Variants in FAM171A2 observed in about 807,000 individuals in gnomAD.
FAM171A2 encodes protein FAM171A2.
Under a neutral mutation model 34.2 loss-of-function variants are expected in FAM171A2, and 13 were observed. The observed-to-expected ratio is 0.38, with a 90% CI of 0.25 to 0.60. The LOEUF (loss-of-function observed/expected upper bound fraction) is 0.60, where lower values mean the gene tolerates loss of function less well. Ranked by LOEUF, FAM171A2 falls within the 20% of genes least tolerant of loss-of-function variation. The pLI is 0.62. For missense variants in FAM171A2, 950 were observed against 1,180.7 expected (o/e 0.80, Z 2.86); for synonymous variants, 475 against 561.2 (o/e 0.85, Z 2.17).
chr17:44,356,655 C>T, intron 3 of FAM171A2, 67 bp from the exon 4 acceptor site: 2 of 1,451,442 alleles, frequency 1.4e-6, no homozygotes, highest in Non-Finnish European at 1.8e-6. Context: ...AGAGCAGAAA[C>T]CCATTATCTA....
chr17:44,355,719 A>C lies in FAM171A2; in HGVS notation c.1018T>G (p.Cys340Gly). 6.4e-7 allele frequency: 1 copy of C among 1,551,670 alleles called. No homozygotes were observed. Reference protein sequence around the residue: ...LILLCLLIYYCRRRCLKPRQQ... With the variant: ...LILLCLLIYYGRRRCLKPRQQ... ...TGAGGGAAGCCCCGTGCTCACCGGC[A>C]GTAGTAGATGAGCAGACACAGCAGG... Residue 340 changes from cysteine to glycine, a missense_variant, in exon 7 of 8, where the codon TGC (cysteine) becomes GGC (glycine). Physicochemically the swap from Cys to Gly is radical, Grantham distance 159. Around this residue, in one of 3 missense-constraint regions of FAM171A2, gnomAD observed 752 missense variants for 924.5 expected, o/e 0.81. Transcript: ENST00000293443. The surrounding 1 kb of genome is among the most constrained non-coding windows in gnomAD (Gnocchi z 4.1).
chr17:44,354,284 C>A lies in FAM171A2; in HGVS notation c.1930G>T (p.Glu644Ter). The A allele has an allele frequency of 6.9e-7, 1 of 1,448,802 alleles. No homozygotes were observed. Among genetic ancestry groups the A allele is most frequent in the Admixed American group, 2.7e-5 (1 of 36,810 alleles). The allele number at this position is 1,448,802 out of a possible 1,614,324, so 89.7% of individuals were successfully genotyped here. A position where few individuals can be genotyped will look rare whatever the true frequency, so the allele number is the denominator to read the frequency against. The stretch of plus-strand genomic sequence containing the variant: ...CGCGGGTGCGGCTTCACGCCCAGTT[C>A]CAGCAGCTTCTTCTCGGTCAGGGCC... The part of the protein sequence containing the change: ...LQALTEKKLL[E>*]LGVKPHPRAW... The change falls in exon 8 of 8, where the codon GAA (glutamate) becomes TAA (stop). Residue 644 changes from glutamate to a stop codon, truncating the protein, a stop_gained. Coordinates refer to ENST00000293443, the MANE Select transcript of FAM171A2 (RefSeq NM_198475.3). LOFTEE classifies it low-confidence loss of function (END_TRUNC). This position sits in a 1 kb window ranked among gnomAD's most constrained non-coding sequence, Gnocchi z 5.8.
chr17:44,353,648 G>T lies in FAM171A2; in HGVS notation c.*85C>A. 1 of 1,051,018 alleles carries T rather than the reference G, an allele frequency of 9.5e-7. No homozygotes were observed. Among genetic ancestry groups the T allele is most frequent in the Non-Finnish European group, 1.2e-6 (1 of 837,548 alleles). 65.1% of individuals were successfully genotyped at this position (1,051,018 alleles called of 1,614,324 possible). A position where few individuals can be genotyped will look rare whatever the true frequency, so the allele number is the denominator to read the frequency against. Reference sequence around the variant, plus strand: ...TCTCCGGCCTGGGGCTGGGAGCTACGCGCGAGGGCCCCCGCGGGCCCCCGG... The same window carrying T: ...TCTCCGGCCTGGGGCTGGGAGCTACTCGCGAGGGCCCCCGCGGGCCCCCGG... On this transcript the variant is annotated 3_prime_UTR_variant, in exon 8 of 8. Coordinates refer to ENST00000293443, the MANE Select transcript of FAM171A2 (RefSeq NM_198475.3).
chr17:44,360,332 T>C (rs1018297618), intron 1 of FAM171A2, among the ~76,000 whole-genome samples, 200 bp from the exon 2 acceptor site: 29 of 152,368 alleles, frequency 1.9e-4, no homozygotes, highest in African/African-American at 6.7e-4. Flanking sequence ...GGACTATTCC[T>C]GTATTTCATC....
chr17:44,360,073 A>C lies in FAM171A2; in HGVS notation c.178T>G (p.Ser60Ala). ...SGELVPLARASVDVFGNRTLL... is the reference protein window; with the variant it reads ...SGELVPLARAAVDVFGNRTLL... ...GTCCGGTTCCCAAACACATCCACTG[A>C]GGCCCGGGCCAGGGGCACCAGCTCC... Residue 60 changes from serine (S) to alanine (A), a missense_variant, in exon 2 of 8, where the codon TCA (serine) becomes GCA (alanine). Physicochemically the swap from Ser to Ala is moderately conservative, Grantham distance 99 (BLOSUM62 1). Around this residue, in one of 3 missense-constraint regions of FAM171A2, gnomAD observed 752 missense variants for 924.5 expected, o/e 0.81. Coordinates refer to ENST00000293443, the MANE Select transcript of FAM171A2 (RefSeq NM_198475.3). The C allele has an allele frequency of 6.4e-7, 1 of 1,551,674 alleles. No individual in the cohort carries two copies. Among genetic ancestry groups the C allele is most frequent in the Admixed American group, 2.0e-5 (1 of 50,994 alleles).
In FAM171A2 at chr17:44,359,614, T is replaced by A; in HGVS notation, c.404A>T (p.Tyr135Phe). The change falls in exon 3 of 8, where the codon TAT (tyrosine) becomes TTT (phenylalanine). Residue 135 changes from tyrosine (Y) to phenylalanine (F), a missense_variant. Transcript: ENST00000293443. ...LPERPATLILYEDLVHILLGS... is the reference protein window; with the variant it reads ...LPERPATLILFEDLVHILLGS... The stretch of plus-strand genomic sequence containing the variant: ...TAGGAGAATGTGCACCAGGTCCTCA[T>A]AGAGGATGAGCGTGGCCGGCCGCTC... The A allele has an allele frequency of 6.4e-7, 1 of 1,551,088 alleles. No individual in the cohort carries two copies. The highest frequency in any genetic ancestry group is 8.7e-7 in the Non-Finnish European group (1 of 1,146,902).
chr17:44,355,279 G>A lies in FAM171A2; in HGVS notation c.1023-88C>T. 10 of 1,491,724 alleles carry A rather than the reference G, an allele frequency of 6.7e-6. No homozygotes were observed. Among genetic ancestry groups the A allele is most frequent in the Non-Finnish European group, 8.9e-6 (10 of 1,124,580 alleles). The allele number at this position is 1,491,724 out of a possible 1,614,324, so 92.4% of individuals were successfully genotyped here. On this transcript the variant is annotated intron_variant, in intron 7 of 7. Coordinates refer to ENST00000293443, the MANE Select transcript of FAM171A2 (RefSeq NM_198475.3). The surrounding 1 kb of genome is among the most constrained non-coding windows in gnomAD (Gnocchi z 4.1). The stretch of plus-strand genomic sequence containing the variant: ...CCCCCTTAGATGCAAGACAAGAGAC[G>A]AATATAGTGGAAGAGGTGGGGAGAA...
intron 1 of FAM171A2, among the ~76,000 whole-genome samples, chr17:44,362,078 T>C (rs2048450117): frequency 1.3e-5 from 2 of 150,752 alleles, no homozygotes; most frequent in Non-Finnish European, 3.0e-5. Flanking sequence ...CTGGTAAGGA[T>C]CTGTGCCAAC....
In FAM171A2 at chr17:44,353,515, G is replaced by T; in HGVS notation, c.*218C>A. 4.3e-6 allele frequency: 1 copy of T among 233,438 alleles called. No individual in the cohort carries two copies. The highest frequency in any genetic ancestry group is 1.7e-4 in the South Asian group (1 of 5,834). The allele number at this position is 233,438 out of a possible 1,614,324, so 14.5% of individuals were successfully genotyped here. A position where few individuals can be genotyped will look rare whatever the true frequency, so the allele number is the denominator to read the frequency against. ...CAGCCCTCCTCCCCGGCACCTCCCC[G>T]TGGGGGTCTGGACCCCCCCTCCTCC... On this transcript the variant is annotated 3_prime_UTR_variant, in exon 8 of 8. Coordinates refer to ENST00000293443, the MANE Select transcript of FAM171A2 (RefSeq NM_198475.3).
Position 44,359,941 on chromosome 17 carries a change from T to G in FAM171A2, c.310A>C (p.Thr104Pro). The change falls in exon 2 of 8, where the codon ACC becomes CCC. Residue 104 changes from threonine (T) to proline (P), a missense_variant. Coordinates refer to ENST00000293443, the MANE Select transcript of FAM171A2 (RefSeq NM_198475.3). ...TCAACACGCCAGGGCACAGAGTTGGTGAGGAAGCCAGGGCGGGCAGCAGTG... is the reference window on the plus strand; with the variant it reads ...TCAACACGCCAGGGCACAGAGTTGGGGAGGAAGCCAGGGCGGGCAGCAGTG... The part of the protein sequence containing the change: ...LVTAARPGFL[T>P]NSVPWRVDKL... 6.5e-7 allele frequency: 1 copy of G among 1,549,404 alleles called. No homozygotes were observed. Among genetic ancestry groups the G allele is most frequent in the Middle Eastern group, 1.7e-4 (1 of 5,844 alleles).
Position 44,355,271 on chromosome 17 carries a change from CAAG to C in FAM171A2, c.1023-83_1023-81del. 6.6e-7 allele frequency: 1 copy of C among 1,509,014 alleles called. No homozygotes were observed. Among genetic ancestry groups the C allele is most frequent in the Non-Finnish European group, 8.8e-7 (1 of 1,132,144 alleles). The allele number at this position is 1,509,014 out of a possible 1,614,324, so 93.5% of individuals were successfully genotyped here. A position where few individuals can be genotyped will look rare whatever the true frequency, so the allele number is the denominator to read the frequency against. On this transcript the variant is annotated intron_variant, in intron 7 of 7. Coordinates refer to ENST00000293443, the MANE Select transcript of FAM171A2 (RefSeq NM_198475.3). This position sits in a 1 kb window ranked among gnomAD's most constrained non-coding sequence, Gnocchi z 4.1. ...GCCCCGAACCCCCTTAGATGCAAGA[CAAG>C]AGACGAATATAGTGGAAGAGGTGGG...
At chr17:44,362,235 T>C (rs1229845007) in intron 1 of FAM171A2, among the ~76,000 whole-genome samples, 2 of 151,890 alleles carry the variant, frequency 1.3e-5, no homozygotes, top group African/African-American at 4.8e-5. Flanking sequence ...TCCCCTGAGG[T>C]GCAGGGACTT....
intron 3 of FAM171A2, 92 bp from the exon 4 acceptor site, chr17:44,356,680 A>G: frequency 1.4e-6 from 2 of 1,396,932 alleles, no homozygotes; most frequent in East Asian, 5.0e-5. Flanking sequence ...AAAGGGGGAC[A>G]TGAGGTCAGG....
In FAM171A2 at chr17:44,355,567, C is replaced by T; in HGVS notation, c.1022+148G>A. ...CTCCCACCTCCCCGCTGTCTTCAACCACCAGCACCAGCCCTTCAGGTCTTA... is the reference window on the plus strand; with the variant it reads ...CTCCCACCTCCCCGCTGTCTTCAACTACCAGCACCAGCCCTTCAGGTCTTA... On this transcript the variant is annotated intron_variant, in intron 7 of 7. Transcript: ENST00000293443. The surrounding 1 kb of genome is among the most constrained non-coding windows in gnomAD (Gnocchi z 4.1). The T allele has an allele frequency of 8.2e-7, 1 of 1,221,150 alleles. No homozygotes were observed. Among genetic ancestry groups the T allele is most frequent in the African/African-American group, 1.5e-5 (1 of 66,090 alleles). 75.6% of individuals were successfully genotyped at this position (1,221,150 alleles called of 1,614,324 possible).
chr17:44,362,794 G>A (rs942964142), intron 1 of FAM171A2, among the ~76,000 whole-genome samples: 4 of 152,114 alleles, frequency 2.6e-5, no homozygotes, highest in African/African-American at 9.7e-5. Flanking sequence ...GGCGGGCAGG[G>A]GACAGGAATG....
Position 44,354,498 on chromosome 17 carries a change from C to T in FAM171A2, c.1716G>A (p.Pro572=), listed in dbSNP as rs967713042. ...PAPPEGTAPG[P]ARAFPQPDPQ... is the part of the protein sequence containing the mutation. ...GGTCGGGCTGGGGAAAAGCGCGCGC[C>T]GGGCCGGGTGCCGTGCCCTCCGGCG... The change falls in exon 8 of 8, where the codon CCG becomes CCA. Residue 572 remains proline, a synonymous_variant. Transcript: ENST00000293443. This position sits in a 1 kb window ranked among gnomAD's most constrained non-coding sequence, Gnocchi z 5.8. The T allele has an allele frequency of 2.6e-5, 28 of 1,088,568 alleles. No homozygotes were observed. The highest frequency in any genetic ancestry group is 2.2e-5 in the Non-Finnish European group (20 of 896,774). The allele number at this position is 1,088,568 out of a possible 1,614,324, so 67.4% of individuals were successfully genotyped here.
chr17:44,355,143 C>G lies in FAM171A2; in HGVS notation c.1071G>C (p.Ser357=), dbSNP rs759528324. ...PRQQHRKLQL[S]GPSDGNKRDQ... The stretch of plus-strand genomic sequence containing the variant: ...CTCGTTTGTTACCGTCAGAGGGCCC[C>G]GAGAGCTGCAGCTTGCGGTGCTGTT... The change falls in exon 8 of 8, where the codon TCG becomes TCC. Residue 357 remains serine (S), a synonymous_variant. Transcript: ENST00000293443. The surrounding 1 kb of genome is among the most constrained non-coding windows in gnomAD (Gnocchi z 4.1). 1.2e-5 allele frequency: 18 copies of G among 1,551,008 alleles called. 1 individual carries two copies. In the South Asian group the frequency reaches 2.0e-4, roughly 17 times the overall value.
At position 44,363,695 on chromosome 17, in the gene FAM171A2, G is replaced by A. The variant is rs983028863; in HGVS notation, c.20C>T (p.Pro7Leu). MPPASG[P>L]SVLARLLPLL... is the part of the protein sequence containing the mutation. ...CGGCAACAGCCGCGCGAGGACGCTGGGGCCACTCGCCGGCGGCATCGCGGG... is the reference window on the plus strand; with the variant it reads ...CGGCAACAGCCGCGCGAGGACGCTGAGGCCACTCGCCGGCGGCATCGCGGG... Residue 7 changes from proline (P) to leucine (L), a missense_variant, in exon 1 of 8, where the codon CCC becomes CTC. Physicochemically the swap from Pro to Leu is moderately conservative, Grantham distance 98 (BLOSUM62 -3). Coordinates refer to ENST00000293443, the MANE Select transcript of FAM171A2 (RefSeq NM_198475.3). 1.6e-6 allele frequency: 2 copies of A among 1,219,308 alleles called. No individual in the cohort carries two copies. Among genetic ancestry groups the A allele is most frequent in the East Asian group, 3.3e-5 (1 of 30,726 alleles). 75.5% of individuals were successfully genotyped at this position (1,219,308 alleles called of 1,614,324 possible).
At position 44,353,742 on chromosome 17, in the gene FAM171A2, G is replaced by A. The variant is rs1330919965; in HGVS notation, c.2472C>T (p.Asn824=). Residue 824 remains asparagine, a synonymous_variant, in exon 8 of 8, where the codon AAC becomes AAT. Coordinates refer to ENST00000293443, the MANE Select transcript of FAM171A2 (RefSeq NM_198475.3). The stretch of plus-strand genomic sequence containing the variant: ...AGGCCCTGCGCGGGCGCTACTTGAC[G>A]TTGAACACCATCAGCGGCCGCTCCT... The part of the protein sequence containing the change: ...RREERPLMVF[N]VK 7.7e-6 allele frequency: 11 copies of A among 1,420,620 alleles called. No homozygotes were observed. Among genetic ancestry groups the A allele is most frequent in the Non-Finnish European group, 8.3e-6 (9 of 1,086,034 alleles). The allele number at this position is 1,420,620 out of a possible 1,614,324, so 88.0% of individuals were successfully genotyped here. A position where few individuals can be genotyped will look rare whatever the true frequency, so the allele number is the denominator to read the frequency against.
Sources: allele counts gnomAD v4.1 joint callset (sites outside exome capture counted in the v4.1 genomes callset), GRCh38; gene constraint gnomAD v4.1.1; regional missense constraint gnomAD v4.1.1; non-coding constraint Gnocchi (gnomAD v3.1); transcripts MANE v1.5; gene names NCBI Gene and HGNC (gene_info 2026-07-23, HGNC 2026-07-21).